Variants in HMG20A observed in about 807,000 individuals in gnomAD.
HMG20A encodes high mobility group 20A, also known as high mobility group protein 20A.
In HMG20A, 17 loss-of-function variants were observed where a neutral mutation model predicts 43.9. The observed-to-expected ratio is 0.39, with a 90% CI of 0.27 to 0.58. The LOEUF is 0.58. HMG20A is among the 20% of genes least tolerant of loss of function. The probability of loss-of-function intolerance (pLI) is 0.59; values close to 1 mark genes in which losing one functional copy is unlikely to be tolerated. For synonymous variants in HMG20A, 132 were observed against 147.5 expected (o/e 0.89, Z 0.76); for missense variants, 341 against 438.2 (o/e 0.78, Z 1.98).
chr15:77,497,655 T>TAG, the HMG20A span, among the ~76,000 whole-genome samples: 1,877 of 127,846 alleles, frequency 0.015, 22 homozygotes, highest in Admixed American at 0.039. Context: ...GAGATATTAA[T>TAG]AGAGAGAGAG....
the HMG20A span, among the ~76,000 whole-genome samples, chr15:77,496,871 A>G: frequency 6.6e-6 from 1 of 152,200 alleles, no homozygotes; most frequent in Non-Finnish European, 1.5e-5. Flanking sequence ...ATGCGTGCTC[A>G]CTCGGGTGCC....
rs116494032 is a variant in HMG20A, at chr15:77,447,878, T to C, written c.-4-10526T>C. 228 of 152,356 alleles carry C rather than the reference T, an allele frequency of 1.5e-3. 2 individuals are homozygous for C. The highest frequency in any genetic ancestry group is 5.3e-3 in the African/African-American group (221 of 41,586). The allele number at this position is 152,356 out of a possible 1,614,324, so 9.4% of individuals were successfully genotyped here. ...TTTGCATTAGATGGAGCCTGGATTATTTCTTTTGTGGCCAAAAAACCCCGC... is the reference window on the plus strand; with the variant it reads ...TTTGCATTAGATGGAGCCTGGATTACTTCTTTTGTGGCCAAAAAACCCCGC... On this transcript the variant is annotated intron_variant, in intron 1 of 9. Coordinates refer to ENST00000336216, the MANE Select transcript of HMG20A (RefSeq NM_001304504.2).
At chr15:77,506,604 G>A in the HMG20A span, among the ~76,000 whole-genome samples, 3 of 152,214 alleles carry the variant, frequency 2.0e-5, no homozygotes, top group African/African-American at 7.2e-5. Flanking sequence ...TGGGGGTTCT[G>A]GGAAGGAAGC....
At chr15:77,503,219 G>A in the HMG20A span, among the ~76,000 whole-genome samples, 20 of 152,292 alleles carry the variant, frequency 1.3e-4, 1 homozygote, top group South Asian at 3.9e-3. Flanking sequence ...AGCTTATGGG[G>A]AGAGGGGGCA....
At chr15:77,422,451 A>G (rs2073375945) in intron 1 of HMG20A, among the ~76,000 whole-genome samples, 2 of 152,178 alleles carry the variant, frequency 1.3e-5, no homozygotes, top group Admixed American at 6.5e-5. Context: ...CCCCGTCTCT[A>G]CTAAAAATAC....
At chr15:77,435,022 ACCAAG>A (rs2142282701) in intron 1 of HMG20A, among the ~76,000 whole-genome samples, 1 of 152,314 alleles carries the variant, frequency 6.6e-6, no homozygotes, top group South Asian at 2.1e-4. Flanking sequence ...ATGGATGATC[ACCAAG>A]CATAATATCG....
the HMG20A span, among the ~76,000 whole-genome samples, chr15:77,498,678 C>T: frequency 6.6e-6 from 1 of 152,330 alleles, no homozygotes; most frequent in East Asian, 1.9e-4. Flanking sequence ...ACATTTTTCA[C>T]ATCTGTGAAA....
rs1276604224 is a variant in HMG20A at position 77,484,691 on chromosome 15, A to G, written c.*1728A>G. 2 of 152,196 alleles carry G rather than the reference A, an allele frequency of 1.3e-5. No individual in the cohort carries two copies. Among genetic ancestry groups the G allele is most frequent in the Non-Finnish European group, 2.9e-5 (2 of 68,026 alleles). The allele number at this position is 152,196 out of a possible 1,614,324, so 9.4% of individuals were successfully genotyped here. ...TGGCAATTTTTTAGAATAAGACCCC[A>G]TTATTATCTATTGCTATAAACCTAG... On this transcript the variant is annotated 3_prime_UTR_variant, in exon 10 of 10. Coordinates refer to ENST00000336216, the MANE Select transcript of HMG20A (RefSeq NM_001304504.2).
At chr15:77,454,552 T>C (rs1386358491) in intron 1 of HMG20A, among the ~76,000 whole-genome samples, 1 of 152,202 alleles carries the variant, frequency 6.6e-6, no homozygotes, top group Non-Finnish European at 1.5e-5. Flanking sequence ...ACAAAGTGAT[T>C]ACTAAGAGCA....
At chr15:77,459,870 A>G (rs2072689760) in intron 2 of HMG20A, among the ~76,000 whole-genome samples, 1 of 152,234 alleles carries the variant, frequency 6.6e-6, no homozygotes. Context: ...CTCCCAGAGA[A>G]TGCCAGTTCT....
At chr15:77,479,907 C>T (rs1444611950) in intron 9 of HMG20A, among the ~76,000 whole-genome samples, 3 of 152,138 alleles carry the variant, frequency 2.0e-5, no homozygotes, top group Admixed American at 6.5e-5. Flanking sequence ...CTTTTATATT[C>T]ACCACTCAAT....
chr15:77,517,090 C>G, the HMG20A span, among the ~76,000 whole-genome samples: 2 of 152,188 alleles, frequency 1.3e-5, no homozygotes, highest in African/African-American at 4.8e-5. Flanking sequence ...CCTAGAAGAC[C>G]TAGGCTCCTT....
At chr15:77,429,021 T>G (rs2073456224) in intron 1 of HMG20A, among the ~76,000 whole-genome samples, 1 of 151,794 alleles carries the variant, frequency 6.6e-6, no homozygotes, top group Non-Finnish European at 1.5e-5. Flanking sequence ...TCTGTGTGGT[T>G]GTTTTGCAAT....
chr15:77,473,342 AC>A (rs71447156), intron 6 of HMG20A, among the ~76,000 whole-genome samples: 12,127 of 152,284 alleles, frequency 0.08, 593 homozygotes, highest in Non-Finnish European at 0.1. Flanking sequence ...ATATTAGCAG[AC>A]ATTTGTATAA....
chr15:77,458,230 C>G, intron 1 of HMG20A, 174 bp from the exon 2 acceptor site: 1 of 497,430 alleles, frequency 2.0e-6, no homozygotes, highest in Non-Finnish European at 3.6e-6. Flanking sequence ...GTTAAAAGGC[C>G]CATTTACCAT....
intron 1 of HMG20A, among the ~76,000 whole-genome samples, chr15:77,424,157 T>G (rs2073400661): frequency 6.6e-6 from 1 of 152,210 alleles, no homozygotes; most frequent in South Asian, 2.1e-4. Context: ...AGCCCTAAAC[T>G]TGATCTCTCC....
chr15:77,421,173 A>C, intron 1 of HMG20A, 169 bp downstream of exon 1: 8 of 64,530 alleles, frequency 1.2e-4, no homozygotes, highest in East Asian at 2.6e-4. Context: ...CGTCCTGGGG[A>C]GGGGGGACAC....
chr15:77,429,058 G>A (rs551141107), intron 1 of HMG20A, among the ~76,000 whole-genome samples: 6 of 151,882 alleles, frequency 4.0e-5, no homozygotes, highest in African/African-American at 1.4e-4. Flanking sequence ...TAAATAATAT[G>A]TTGGCCGGGC....
chr15:77,517,426 C>T, the HMG20A span, among the ~76,000 whole-genome samples: 3 of 151,886 alleles, frequency 2.0e-5, no homozygotes, highest in Non-Finnish European at 2.9e-5. Context: ...CATCCACTGT[C>T]TGTGACCTGG....
Sources: allele counts gnomAD v4.1 joint callset (sites outside exome capture counted in the v4.1 genomes callset), GRCh38; gene constraint gnomAD v4.1.1; transcripts MANE v1.5; gene names NCBI Gene and HGNC (gene_info 2026-07-23, HGNC 2026-07-21).